The following BANK1 variants were observed in gnomAD, a reference collection of about 807,000 sequenced individuals.
BANK1 encodes B cell scaffold protein with ankyrin repeats 1, also known as B-cell scaffold protein with ankyrin repeats.
In BANK1, 95 loss-of-function variants were observed where a neutral mutation model predicts 94.5. That is an observed-to-expected ratio of 1.00 (90% CI 0.85 to 1.19). The LOEUF (loss-of-function observed/expected upper bound fraction) is 1.19, where lower values mean the gene tolerates loss of function less well. Ranked by LOEUF, BANK1 falls within the 50% of genes most tolerant of loss-of-function variation. BANK1 has a pLI of 0.00. For synonymous variants in BANK1, 334 were observed against 308.4 expected (o/e 1.08, Z -0.87); for missense variants, 987 against 932.2 (o/e 1.06, Z -0.77).
chr4:101,791,407 T>C (rs1347566937), intron 1 of BANK1, among the ~76,000 whole-genome samples: 1 of 152,214 alleles, frequency 6.6e-6, no homozygotes, highest in African/African-American at 2.4e-5. Context: ...GCCTGGTGAA[T>C]TGGTAGCCCT....
chr4:101,824,986 A>G (rs973212160), intron 1 of BANK1, among the ~76,000 whole-genome samples: 2 of 152,178 alleles, frequency 1.3e-5, no homozygotes, highest in Non-Finnish European at 2.9e-5. Context: ...GTTATAGTGT[A>G]TTTAAGACAA....
At chr4:101,915,407 A>G (rs889051096) in intron 6 of BANK1, among the ~76,000 whole-genome samples, 3 of 152,148 alleles carry the variant, frequency 2.0e-5, no homozygotes, top group Admixed American at 6.6e-5. Context: ...TAAGTAATAA[A>G]AGGCATTATT....
At chr4:102,028,628 A>G (rs531769927) in intron 9 of BANK1, among the ~76,000 whole-genome samples, 1 of 152,350 alleles carries the variant, frequency 6.6e-6, no homozygotes, top group Admixed American at 6.5e-5. Context: ...AAATGAAAGA[A>G]AAAGCCTTCA....
intron 7 of BANK1, among the ~76,000 whole-genome samples, chr4:101,922,056 G>A (rs2148901746): frequency 6.9e-6 from 1 of 144,804 alleles, no homozygotes; most frequent in Non-Finnish European, 1.5e-5. Context: ...GTGTGTGTGT[G>A]AGACAGAGAG....
chr4:101,869,456 G>A (rs12331846), intron 4 of BANK1, among the ~76,000 whole-genome samples: 14,555 of 151,724 alleles, frequency 0.096, 1,086 homozygotes, highest in African/African-American at 0.21. Flanking sequence ...CATCTTCTTT[G>A]TAATACAGGC....
intron 2 of BANK1, among the ~76,000 whole-genome samples, chr4:101,831,121 G>T (rs192799171): frequency 6.6e-6 from 1 of 152,206 alleles, no homozygotes; most frequent in Admixed American, 6.5e-5. Flanking sequence ...ATACCTCCTG[G>T]CTGGGTGTTT....
intron 11 of BANK1, among the ~76,000 whole-genome samples, chr4:102,047,095 T>C (rs903463780): frequency 6.6e-6 from 1 of 152,142 alleles, no homozygotes; most frequent in Non-Finnish European, 1.5e-5. Flanking sequence ...TGGCTGGGAA[T>C]GGATTGCACC....
At chr4:101,802,699 A>G (rs2148850889) in intron 1 of BANK1, among the ~76,000 whole-genome samples, 1 of 152,326 alleles carries the variant, frequency 6.6e-6, no homozygotes, top group Admixed American at 6.5e-5. Flanking sequence ...ACTTCATTAT[A>G]AGACCTCTCT....
chr4:101,809,210 G>A (rs149589218), intron 1 of BANK1, among the ~76,000 whole-genome samples: 50 of 152,302 alleles, frequency 3.3e-4, no homozygotes, highest in African/African-American at 1.2e-3. Flanking sequence ...ACTCGATGGA[G>A]CTGGAGGCCA....
chr4:101,860,180 A>C (rs1220278457), intron 3 of BANK1, among the ~76,000 whole-genome samples: 1 of 152,230 alleles, frequency 6.6e-6, no homozygotes, highest in Non-Finnish European at 1.5e-5. Context: ...TTTACGGTGC[A>C]AAATGAAAAT....
intron 8 of BANK1, among the ~76,000 whole-genome samples, chr4:102,022,503 A>G (rs770913642): frequency 1.4e-4 from 21 of 152,148 alleles, no homozygotes; most frequent in Non-Finnish European, 2.9e-4. Flanking sequence ...CTGCAATAAC[A>G]CAGTGGAGAA....
At position 101,826,653 on chromosome 4, in the gene BANK1, C is replaced by T. The variant is rs553614916; in HGVS notation, c.71-3155C>T. On this transcript the variant is annotated intron_variant, in intron 1 of 16. Transcript: ENST00000322953. The stretch of plus-strand genomic sequence containing the variant: ...TTTGTTAAACAAGTTATTTAGCATC[C>T]AGGCTAGATGAGATACTACACTACT... Among the ~76,000 whole-genome samples the T allele has an allele frequency of 5.3e-4, 80 of 151,912 alleles. 1 individual carries two copies. The highest frequency in any genetic ancestry group is 2.6e-3 in the Admixed American group (39 of 15,272).
chr4:101,947,309 A>ATATATATATATATATG (rs1176507515), intron 7 of BANK1, among the ~76,000 whole-genome samples: 1,629 of 67,642 alleles, frequency 0.024, 107 homozygotes, highest in Non-Finnish European at 0.033. Context: ...ATATATATAT[A>ATATATATATATATATG]TATGTATATG....
chr4:101,836,091 A>T (rs1470353888), intron 2 of BANK1, among the ~76,000 whole-genome samples: 3 of 152,084 alleles, frequency 2.0e-5, no homozygotes, highest in African/African-American at 7.2e-5. Context: ...ATTATTGCAT[A>T]CTTATGACTC....
chr4:102,006,027 A>G (rs1442845272), intron 7 of BANK1, among the ~76,000 whole-genome samples: 2 of 152,052 alleles, frequency 1.3e-5, no homozygotes, highest in Non-Finnish European at 2.9e-5. Context: ...CACAAGAACT[A>G]CAATGCAGTT....
chr4:101,975,886 A>G (rs557110517), intron 7 of BANK1, among the ~76,000 whole-genome samples: 1 of 152,138 alleles, frequency 6.6e-6, no homozygotes, highest in Admixed American at 6.6e-5. Flanking sequence ...TATAACCACC[A>G]ATAGTGTTTG....
chr4:101,862,380 A>G, intron 3 of BANK1, 146 bp from the exon 4 acceptor site: 2 of 547,178 alleles, frequency 3.7e-6, no homozygotes, highest in Non-Finnish European at 5.8e-6. Context: ...TATGTATTTT[A>G]TTTCTGGATA....
intron 5 of BANK1, among the ~76,000 whole-genome samples, chr4:101,873,762 A>C (rs1347263576): frequency 1.3e-5 from 2 of 152,154 alleles, no homozygotes; most frequent in Non-Finnish European, 2.9e-5. Flanking sequence ...AATATAAGAG[A>C]GATTCAAATG....
rs369379691 is a variant in BANK1 at position 101,924,805 on chromosome 4, A to G, written c.1206+6616A>G. ...TGTATTTCCAATTTCTCGAATAAGC[A>G]TAATGTATTATATTCATCACTCAGG... On this transcript the variant is annotated intron_variant, in intron 7 of 16. Coordinates refer to ENST00000322953, the MANE Select transcript of BANK1 (RefSeq NM_017935.5). Among the ~76,000 whole-genome samples the G allele has an allele frequency of 2.1e-4, 32 of 151,918 alleles. No individual in the cohort carries two copies. The East Asian group carries it at 4.5e-3, about 21-fold the overall frequency.
Sources: gnomAD v4.1 joint callset for allele counts (sites outside exome capture counted in the v4.1 genomes callset) on GRCh38, gnomAD v4.1.1 for gene constraint, MANE v1.5 for transcripts, NCBI Gene and HGNC (gene_info 2026-07-23, HGNC 2026-07-21) for gene names.